Variants in KCNB2 observed in about 807,000 individuals in gnomAD.
KCNB2 encodes delayed rectifier potassium channel protein.
KCNB2 carries 15 observed loss-of-function variants against 61.5 expected under a neutral mutation model. The observed-to-expected ratio is 0.24, with a 90% confidence interval of 0.16 to 0.38. KCNB2 has a LOEUF of 0.38. Among genes scored for constraint, KCNB2 ranks in the 10% least tolerant of loss-of-function variants. The pLI is 1.00. For missense variants in KCNB2, 828 were observed against 1,125.2 expected (o/e 0.74, Z 3.78); for synonymous variants, 457 against 446.0 (o/e 1.02, Z -0.31).
At chr8:72,904,827 G>A (rs943720298) in intron 2 of KCNB2, among the ~76,000 whole-genome samples, 5 of 150,998 alleles carry the variant, frequency 3.3e-5, no homozygotes, top group Non-Finnish European at 5.9e-5. Flanking sequence ...ACCCCTCTCT[G>A]CCCTTACTTG....
chr8:72,591,701 A>C (rs1279571659), intron 2 of KCNB2, among the ~76,000 whole-genome samples: 1 of 152,164 alleles, frequency 6.6e-6, no homozygotes, highest in Non-Finnish European at 1.5e-5. Flanking sequence ...ATAATAGAGA[A>C]AATTCACTGA....
intron 2 of KCNB2, among the ~76,000 whole-genome samples, chr8:72,588,113 T>C (rs984710335): frequency 6.6e-6 from 1 of 152,230 alleles, no homozygotes; most frequent in Admixed American, 6.5e-5. Context: ...CTGAAAGTTC[T>C]GTCTTCCTCA....
chr8:72,724,569 C>T (rs780668389), intron 2 of KCNB2, among the ~76,000 whole-genome samples: 3 of 152,094 alleles, frequency 2.0e-5, no homozygotes, highest in Non-Finnish European at 4.4e-5. Flanking sequence ...TATGAATCAC[C>T]ATACCTACCT....
intron 2 of KCNB2, among the ~76,000 whole-genome samples, chr8:72,625,855 C>G (rs530621096): frequency 1.3e-5 from 2 of 152,144 alleles, no homozygotes; most frequent in Admixed American, 1.3e-4. Flanking sequence ...CTGTAGAACA[C>G]GAGTTCTCCA....
chr8:72,865,108 C>G (rs991583847), intron 2 of KCNB2, among the ~76,000 whole-genome samples: 1 of 152,136 alleles, frequency 6.6e-6, no homozygotes, highest in Non-Finnish European at 1.5e-5. Context: ...TGGCTGACCT[C>G]TGAGGATTAT....
At chr8:72,620,178 T>C (rs965044080) in intron 2 of KCNB2, among the ~76,000 whole-genome samples, 3 of 152,230 alleles carry the variant, frequency 2.0e-5, no homozygotes, top group Non-Finnish European at 4.4e-5. Flanking sequence ...AGCACTACTT[T>C]AGAGAAACAA....
chr8:72,633,974 C>T (rs1045615479), intron 2 of KCNB2, among the ~76,000 whole-genome samples: 1 of 129,332 alleles, frequency 7.7e-6, no homozygotes, highest in African/African-American at 2.5e-5. Context: ...GCCAAGGAGT[C>T]AGACTGGAAC....
intron 2 of KCNB2, among the ~76,000 whole-genome samples, chr8:72,922,513 G>A (rs758596128): frequency 2.0e-5 from 3 of 152,140 alleles, no homozygotes; most frequent in African/African-American, 7.2e-5. Flanking sequence ...GAAGATTCAG[G>A]GTTTGGTAAG....
chr8:72,596,397 G>A (rs779397422), intron 2 of KCNB2, among the ~76,000 whole-genome samples: 15 of 152,256 alleles, frequency 9.9e-5, no homozygotes, highest in Non-Finnish European at 1.5e-4. Context: ...ATTTTCCACA[G>A]CTATAAGTTG....
intron 2 of KCNB2, among the ~76,000 whole-genome samples, chr8:72,865,831 C>T (rs1049302069): frequency 2.0e-5 from 3 of 152,134 alleles, no homozygotes; most frequent in African/African-American, 7.2e-5. Context: ...ACACCCTGAC[C>T]CCCATCCACT....
chr8:72,615,510 G>A lies in KCNB2; in HGVS notation c.579+47197G>A, dbSNP rs371627611. 2.0e-5 allele frequency among the ~76,000 whole-genome samples: 3 copies of A among 152,162 alleles called. No homozygotes were observed. The East Asian group carries it at 5.8e-4, about 29-fold the overall frequency. On this transcript the variant is annotated intron_variant, in intron 2 of 2. Coordinates refer to ENST00000523207, the MANE Select transcript of KCNB2 (RefSeq NM_004770.3). ...TAAATTTCTAGTTTATTTGGCCCAT[G>A]GTGGAGCCTGAAATCTGCATTTTAA...
intron 2 of KCNB2, among the ~76,000 whole-genome samples, chr8:72,832,154 A>G (rs1343327503): frequency 6.6e-6 from 1 of 152,268 alleles, no homozygotes; most frequent in Non-Finnish European, 1.5e-5. Flanking sequence ...AGTGAAGGAT[A>G]TAATCCAAGT....
At chr8:72,556,031 T>C (rs1436099838) in intron 1 of KCNB2, among the ~76,000 whole-genome samples, 1 of 152,150 alleles carries the variant, frequency 6.6e-6, no homozygotes, top group East Asian at 1.9e-4. Flanking sequence ...ACCATAATTA[T>C]TATGATTTTC....
At chr8:72,661,665 T>G (rs1265651382) in intron 2 of KCNB2, among the ~76,000 whole-genome samples, 2 of 152,218 alleles carry the variant, frequency 1.3e-5, no homozygotes, top group Non-Finnish European at 2.9e-5. Context: ...TTTAGTGCTG[T>G]CTGAAGTTGT....
At chr8:72,749,325 TTA>T (rs1808143349) in intron 2 of KCNB2, 1 of 151,942 alleles carries the variant, frequency 6.6e-6, no homozygotes, top group African/African-American at 2.4e-5. Context: ...CTCAATCTCA[TTA>T]TGTTTTCCAG....
At chr8:72,660,859 G>A (rs1806368808) in intron 2 of KCNB2, 1 of 152,072 alleles carries the variant, frequency 6.6e-6, no homozygotes, top group South Asian at 2.1e-4. Flanking sequence ...AGTTCAGAAA[G>A]GAGCTAAAGT....
intron 2 of KCNB2, among the ~76,000 whole-genome samples, chr8:72,724,146 G>T (rs1307021841): frequency 6.6e-6 from 1 of 152,084 alleles, no homozygotes; most frequent in South Asian, 2.1e-4. Context: ...CTGTCCTCTT[G>T]TCATGGTGTT....
At chr8:72,811,872 G>A (rs1585907101) in intron 2 of KCNB2, among the ~76,000 whole-genome samples, 1 of 152,226 alleles carries the variant, frequency 6.6e-6, no homozygotes, top group African/African-American at 2.4e-5. Flanking sequence ...ACATGTGCAT[G>A]CGCAATTGAG....
chr8:72,925,676 C>T (rs1258239980), intron 2 of KCNB2, among the ~76,000 whole-genome samples: 1 of 152,188 alleles, frequency 6.6e-6, no homozygotes, highest in Non-Finnish European at 1.5e-5. Context: ...TTGTGGAAGG[C>T]AGTGTGGCGA....
Sources: gnomAD v4.1 joint callset for allele counts (sites outside exome capture counted in the v4.1 genomes callset) on GRCh38, gnomAD v4.1.1 for gene constraint, MANE v1.5 for transcripts, NCBI Gene and HGNC (gene_info 2026-07-23, HGNC 2026-07-21) for gene names.